The following SYNPR variants were observed in gnomAD, a reference collection of about 807,000 sequenced individuals.
The protein encoded by SYNPR is synaptoporin.
Under a neutral mutation model 32.9 loss-of-function variants are expected in SYNPR, and 23 were observed. That is an observed-to-expected ratio of 0.70 (90% confidence interval 0.50 to 0.99). The LOEUF (loss-of-function observed/expected upper bound fraction) is 0.99. Among genes scored for constraint, SYNPR ranks in the 50% least tolerant of loss-of-function variants. The pLI, the probability that SYNPR is intolerant of heterozygous loss-of-function variation, is 0.00. For synonymous variants in SYNPR, 146 were observed against 135.9 expected, an observed-to-expected ratio of 1.07 and a Z score of -0.52; for missense variants, 318 against 349.3, an observed-to-expected ratio of 0.91 and a Z score of 0.71.
intron 2 of SYNPR, among the ~76,000 whole-genome samples, chr3:63,387,982 G>A (rs571323964): frequency 2.3e-4 from 35 of 152,264 alleles, no homozygotes; most frequent in African/African-American, 8.2e-4. Context: ...AGCAGGCTGG[G>A]GCAGAGGAAG....
At chr3:63,304,354 T>TTGTGTGTG (rs34570930) in intron 2 of SYNPR, among the ~76,000 whole-genome samples, 19 of 146,522 alleles carry the variant, frequency 1.3e-4, no homozygotes, top group African/African-American at 4.7e-4. Context: ...GTGTGTGTGT[T>TTGTGTGTG]TGTGTGTGTG....
intron 2 of SYNPR, among the ~76,000 whole-genome samples, chr3:63,378,081 T>G (rs1226500561): frequency 6.6e-6 from 1 of 151,940 alleles, no homozygotes; most frequent in South Asian, 2.1e-4. Flanking sequence ...TAATTCCATA[T>G]GTATTTTTGT....
intron 2 of SYNPR, among the ~76,000 whole-genome samples, chr3:63,259,412 G>A (rs188305165): frequency 6.0e-4 from 91 of 152,166 alleles, no homozygotes; most frequent in African/African-American, 2.1e-3. Flanking sequence ...TGCAAGGCTG[G>A]CTCAACATAC....
chr3:63,398,875 T>C (rs1027146775), intron 2 of SYNPR, among the ~76,000 whole-genome samples: 5 of 152,132 alleles, frequency 3.3e-5, no homozygotes, highest in African/African-American at 4.8e-5. Context: ...GCCTGGGATA[T>C]AGCTGGCTTC....
At chr3:63,211,719 T>A in the SYNPR span, among the ~76,000 whole-genome samples, 29 of 151,194 alleles carry the variant, frequency 1.9e-4, no homozygotes, top group African/African-American at 5.8e-4. Context: ...TTTTTTTTTT[T>A]TTATTATACT....
intron 2 of SYNPR, among the ~76,000 whole-genome samples, chr3:63,441,059 G>T (rs993317320): frequency 6.6e-6 from 1 of 152,178 alleles, no homozygotes. Context: ...GTGGTTAATA[G>T]CTTAGACAAT....
chr3:63,541,212 C>A (rs1559530990), intron 3 of SYNPR, among the ~76,000 whole-genome samples: 1 of 151,218 alleles, frequency 6.6e-6, no homozygotes, highest in Non-Finnish European at 1.5e-5. Context: ...GAAGAGACAG[C>A]CAGTGTACTG....
intron 3 of SYNPR, among the ~76,000 whole-genome samples, chr3:63,543,368 G>A (rs927233466): frequency 6.6e-6 from 1 of 152,038 alleles, no homozygotes; most frequent in Non-Finnish European, 1.5e-5. Context: ...CTTATTTGTA[G>A]CATATAGTCA....
intron 3 of SYNPR, among the ~76,000 whole-genome samples, chr3:63,499,670 C>T (rs543540540): frequency 1.5e-4 from 23 of 152,150 alleles, no homozygotes; most frequent in African/African-American, 3.9e-4. Flanking sequence ...GTGACAGAGA[C>T]GGGAGGTGAG....
intron 2 of SYNPR, among the ~76,000 whole-genome samples, chr3:63,422,797 A>G (rs897057434): frequency 1.3e-4 from 20 of 152,204 alleles, no homozygotes; most frequent in African/African-American, 4.6e-4. Context: ...TTTCACTGCT[A>G]TATAGATATT....
intron 1 of SYNPR, 57 bp from the exon 2 acceptor site, chr3:63,278,620 C>A: frequency 6.5e-7 from 1 of 1,550,088 alleles, no homozygotes; most frequent in Non-Finnish European, 8.7e-7. Flanking sequence ...TTGGGAGAGG[C>A]GCCCCCAGCC....
chr3:63,224,586 A>C (rs1284375503), upstream of SYNPR, among the ~76,000 whole-genome samples: 1 of 152,236 alleles, frequency 6.6e-6, no homozygotes, highest in African/African-American at 2.4e-5. Context: ...AACCTCTTGG[A>C]AAGTTTAATA....
At chr3:63,540,532 A>T (rs1231036532) in intron 3 of SYNPR, among the ~76,000 whole-genome samples, 1 of 152,082 alleles carries the variant, frequency 6.6e-6, no homozygotes, top group Non-Finnish European at 1.5e-5. Context: ...GGAGACATGC[A>T]GAAAAAGAAA....
intron 3 of SYNPR, chr3:63,549,837 A>G (rs1290572293): frequency 6.6e-6 from 1 of 152,086 alleles, no homozygotes; most frequent in Non-Finnish European, 1.5e-5. Flanking sequence ...TTTTTTTTTA[A>G]AAGAAACCAC....
At chr3:63,460,192 T>A (rs1397879356) in intron 2 of SYNPR, among the ~76,000 whole-genome samples, 1 of 152,096 alleles carries the variant, frequency 6.6e-6, no homozygotes, top group Non-Finnish European at 1.5e-5. Flanking sequence ...CCTTAGCAGA[T>A]CCATAAAACC....
At chr3:63,424,493 G>A (rs979381775) in intron 2 of SYNPR, among the ~76,000 whole-genome samples, 5 of 152,114 alleles carry the variant, frequency 3.3e-5, no homozygotes, top group African/African-American at 1.2e-4. Flanking sequence ...AAATAGGAAT[G>A]CATAAAGCAT....
chr3:63,535,535 A>G (rs1325584186), intron 3 of SYNPR, among the ~76,000 whole-genome samples: 4 of 152,154 alleles, frequency 2.6e-5, no homozygotes, highest in Non-Finnish European at 4.4e-5. Flanking sequence ...CTAACATTAA[A>G]TAAAATCTAG....
chr3:63,244,159 G>C (rs937679310), intron 1 of SYNPR, among the ~76,000 whole-genome samples: 1 of 152,098 alleles, frequency 6.6e-6, no homozygotes, highest in African/African-American at 2.4e-5. Flanking sequence ...AAGGTCACCT[G>C]ATGGGCTTGC....
intron 2 of SYNPR, among the ~76,000 whole-genome samples, chr3:63,403,639 A>C (rs1441698499): frequency 6.6e-6 from 1 of 152,120 alleles, no homozygotes; most frequent in Non-Finnish European, 1.5e-5. Flanking sequence ...TGAAACACGA[A>C]ATTGGAGGTT....
Sources: allele counts gnomAD v4.1 joint callset (sites outside exome capture counted in the v4.1 genomes callset), GRCh38; gene constraint gnomAD v4.1.1; transcripts MANE v1.5; gene names NCBI Gene and HGNC (gene_info 2026-07-23, HGNC 2026-07-21).